Variants in RHOJ observed in about 807,000 individuals in gnomAD.
RHOJ encodes rho-related GTP-binding protein RhoJ.
RHOJ carries 11 observed loss-of-function variants against 23.4 expected under a neutral mutation model. The ratio of observed to expected loss-of-function variants is 0.47; its 90% CI spans 0.30 to 0.78. The LOEUF (loss-of-function observed/expected upper bound fraction) is 0.78. Among genes scored for constraint, RHOJ ranks in the 30% least tolerant of loss-of-function variants. The pLI is 0.08. For synonymous variants in RHOJ, 102 were observed against 102.7 expected (o/e 0.99, Z 0.04); for missense variants, 254 against 273.4 (o/e 0.93, Z 0.50).
chr14:63,221,601 G>A (rs141109218), intron 1 of RHOJ, among the ~76,000 whole-genome samples: 12 of 152,314 alleles, frequency 7.9e-5, no homozygotes, highest in Admixed American at 3.9e-4. Context: ...ACTGTGTTAC[G>A]CATCTCCCAT....
At chr14:63,268,750 G>A (rs576212602) in intron 1 of RHOJ, among the ~76,000 whole-genome samples, 11 of 152,102 alleles carry the variant, frequency 7.2e-5, no homozygotes, top group South Asian at 4.1e-4. Context: ...GTCTCAAACC[G>A]AAGAAAAGAA....
intron 1 of RHOJ, among the ~76,000 whole-genome samples, chr14:63,236,653 T>A (rs1484327517): frequency 1.3e-5 from 2 of 152,032 alleles, no homozygotes; most frequent in African/African-American, 2.4e-5. Flanking sequence ...AGGACATAGT[T>A]AAACCAACCC....
intron 1 of RHOJ, among the ~76,000 whole-genome samples, chr14:63,237,038 C>A (rs925409448): frequency 6.6e-6 from 1 of 152,114 alleles, no homozygotes; most frequent in Non-Finnish European, 1.5e-5. Context: ...AGTACAGATG[C>A]AATTGTCCCT....
intron 2 of RHOJ, among the ~76,000 whole-genome samples, chr14:63,270,016 T>G (rs927780626): frequency 2.6e-5 from 4 of 152,182 alleles, no homozygotes; most frequent in Non-Finnish European, 5.9e-5. Flanking sequence ...TGTTACCGTA[T>G]GTCTTGGGTC....
At chr14:63,205,628 T>C (rs1894093996) in intron 1 of RHOJ, among the ~76,000 whole-genome samples, 1 of 152,216 alleles carries the variant, frequency 6.6e-6, no homozygotes, top group African/African-American at 2.4e-5. Flanking sequence ...GCAATCTGTA[T>C]CTTAAAAGAA....
rs138810458 is a variant in RHOJ at position 63,256,586 on chromosome 14, G to C, written c.179-12524G>C. Reference sequence around the variant, plus strand: ...TTGTCTCTTGGCCAGTCCCTTCTTGGAGGGCAGGGCTCAGTAATGTACCAG... The same window carrying C: ...TTGTCTCTTGGCCAGTCCCTTCTTGCAGGGCAGGGCTCAGTAATGTACCAG... On this transcript the variant is annotated intron_variant, in intron 1 of 4. Coordinates refer to ENST00000316754, the MANE Select transcript of RHOJ (RefSeq NM_020663.5). 8.4e-4 allele frequency among the ~76,000 whole-genome samples: 128 copies of C among 152,276 alleles called. 1 individual carries two copies. Among genetic ancestry groups the C allele is most frequent in the African/African-American group, 3.0e-3 (124 of 41,552 alleles).
Position 63,288,412 on chromosome 14 carries a change from T to C in RHOJ, c.499-2466T>C, listed in dbSNP as rs954770675. ...TGGAGAGGTATTCCAGATAGAAAGG[T>C]GCTACAGCAGTTTCTAGGTATTTTC... On this transcript the variant is annotated intron_variant, in intron 4 of 4. Coordinates refer to ENST00000316754, the MANE Select transcript of RHOJ (RefSeq NM_020663.5). 27 of 846,922 alleles carry C rather than the reference T, an allele frequency of 3.2e-5. 1 individual carries two copies. The highest frequency in any genetic ancestry group is 1.2e-3 in the Middle Eastern group (2 of 1,686). The allele number at this position is 846,922 out of a possible 1,614,324, so 52.5% of individuals were successfully genotyped here.
At chr14:63,269,000 GCTT>G (rs1394830563) in intron 1 of RHOJ, 107 bp from the exon 2 acceptor site, 3 of 743,508 alleles carry the variant, frequency 4.0e-6, no homozygotes, top group African/African-American at 3.5e-5. Context: ...CGAGGCATAT[GCTT>G]CTTCTTGCTG....
chr14:63,280,962 T>C lies in RHOJ; in HGVS notation c.238-9T>C. On this transcript the variant is annotated splice_polypyrimidine_tract_variant and intron_variant, in intron 2 of 4. Coordinates refer to ENST00000316754, the MANE Select transcript of RHOJ (RefSeq NM_020663.5). Reference sequence around the variant, plus strand: ...AGGCTGTACAAACCCTTGTCTGCTCTTCCCACAGGAGGACTACAACCAGCT... The same window carrying C: ...AGGCTGTACAAACCCTTGTCTGCTCCTCCCACAGGAGGACTACAACCAGCT... The C allele has an allele frequency of 2.5e-6, 4 of 1,609,784 alleles. No homozygotes were observed. The highest frequency in any genetic ancestry group is 3.4e-6 in the Non-Finnish European group (4 of 1,177,926).
chr14:63,224,097 GT>G (rs1249641457), intron 1 of RHOJ, among the ~76,000 whole-genome samples: 1 of 152,182 alleles, frequency 6.6e-6, no homozygotes, highest in Non-Finnish European at 1.5e-5. Flanking sequence ...ACATGAAAGT[GT>G]TTGTGTGCTG....
intron 1 of RHOJ, among the ~76,000 whole-genome samples, chr14:63,222,162 A>T (rs374928914): frequency 0.088 from 13,389 of 151,458 alleles, 685 homozygotes; most frequent in East Asian, 0.11. Context: ...ACTCATCCTT[A>T]TTTATGGCTG....
intron 1 of RHOJ, among the ~76,000 whole-genome samples, chr14:63,258,726 G>C (rs1895223302): frequency 6.6e-6 from 1 of 152,204 alleles, no homozygotes; most frequent in African/African-American, 2.4e-5. Context: ...CTTCAAGGCT[G>C]TGGCAGGCCA....
At chr14:63,250,744 C>A (rs1430024833) in intron 1 of RHOJ, among the ~76,000 whole-genome samples, 2 of 152,112 alleles carry the variant, frequency 1.3e-5, no homozygotes, top group African/African-American at 4.8e-5. Context: ...CTAAAGTGAG[C>A]CTCTAGAGGC....
At chr14:63,232,986 G>A (rs919592118) in intron 1 of RHOJ, among the ~76,000 whole-genome samples, 11 of 152,072 alleles carry the variant, frequency 7.2e-5, no homozygotes, top group South Asian at 4.2e-4. Flanking sequence ...ATGAGCCACC[G>A]CACCCAGCCT....
intron 1 of RHOJ, among the ~76,000 whole-genome samples, chr14:63,245,224 G>A (rs748680912): frequency 2.0e-5 from 3 of 152,014 alleles, no homozygotes; most frequent in Non-Finnish European, 2.9e-5. Context: ...TTGTGTCTGA[G>A]CATTACTACA....
chr14:63,287,842 T>A (rs1333601858), intron 4 of RHOJ, among the ~76,000 whole-genome samples: 1 of 152,296 alleles, frequency 6.6e-6, no homozygotes, highest in South Asian at 2.1e-4. Flanking sequence ...GGCTTCTAAA[T>A]ACTTGACTGT....
intron 1 of RHOJ, among the ~76,000 whole-genome samples, chr14:63,245,557 C>T (rs886716765): frequency 6.6e-6 from 1 of 151,920 alleles, no homozygotes; most frequent in Admixed American, 6.6e-5. Context: ...TGGCAGGGGG[C>T]TGAGGAGGGA....
chr14:63,265,422 T>A (rs992240395), intron 1 of RHOJ, among the ~76,000 whole-genome samples: 93 of 152,362 alleles, frequency 6.1e-4, no homozygotes, highest in African/African-American at 2.2e-3. Context: ...TTGTTTACTG[T>A]AGCCATGTAG....
chr14:63,214,246 G>C (rs1161250482), intron 1 of RHOJ, among the ~76,000 whole-genome samples: 1 of 152,180 alleles, frequency 6.6e-6, no homozygotes, highest in Non-Finnish European at 1.5e-5. Flanking sequence ...CTGTGAATAT[G>C]AATGTCAATA....
Sources: gnomAD v4.1 joint callset for allele counts (sites outside exome capture counted in the v4.1 genomes callset) on GRCh38, gnomAD v4.1.1 for gene constraint, MANE v1.5 for transcripts, NCBI Gene and HGNC (gene_info 2026-07-23, HGNC 2026-07-21) for gene names.